MICALL1: variants seen among roughly 807,000 people sequenced by gnomAD.
The protein encoded by MICALL1 is MICAL like 1.
MICALL1 carries 61 observed loss-of-function variants against 83.7 expected under a neutral mutation model. That is an observed-to-expected ratio of 0.73 (90% CI 0.59 to 0.90). The LOEUF is 0.90. Ranked by LOEUF, MICALL1 falls within the 40% of genes least tolerant of loss-of-function variation. MICALL1 has a pLI of 0.00. For missense variants in MICALL1, 1,066 were observed against 1,152.0 expected (o/e 0.93, Z 1.08); for synonymous variants, 481 against 473.6 (o/e 1.02, Z -0.20).
Position 37,932,405 on chromosome 22 carries a change from C to G in MICALL1, c.2017-148C>G. Reference sequence around the variant, plus strand: ...GGCTGTCCCCACACTGGCCCCTTCCCCACTGGGACCCTGCCTTCTTACCAT... The same window carrying G: ...GGCTGTCCCCACACTGGCCCCTTCCGCACTGGGACCCTGCCTTCTTACCAT... On this transcript the variant is annotated intron_variant, in intron 10 of 15. Coordinates refer to ENST00000215957, the MANE Select transcript of MICALL1 (RefSeq NM_033386.4). This position sits in a 1 kb window ranked among gnomAD's most constrained non-coding sequence, Gnocchi z 4.4. 3.8e-6 allele frequency: 5 copies of G among 1,312,792 alleles called. No homozygotes were observed. The highest frequency in any genetic ancestry group is 5.2e-6 in the Non-Finnish European group (5 of 963,964). The allele number at this position is 1,312,792 out of a possible 1,614,324, so 81.3% of individuals were successfully genotyped here.
rs776771230 is a variant in MICALL1, at chr22:37,912,508, A to G, written c.337+16A>G. ...CCTGGCCAAGGTGAGAGGGGGACTC[A>G]GCGTTTCACGGAGGCTGGCCCAGGG... On this transcript the variant is annotated intron_variant, in intron 3 of 15. Transcript: ENST00000215957. The G allele has an allele frequency of 2.5e-6, 4 of 1,581,280 alleles. No homozygotes were observed. The highest frequency in any genetic ancestry group is 3.5e-6 in the Non-Finnish European group (4 of 1,157,070).
Position 37,923,447 on chromosome 22 carries a change from C to T in MICALL1, c.1024+1021C>T, listed in dbSNP as rs183115673. 7.9e-5 allele frequency among the ~76,000 whole-genome samples: 12 copies of T among 152,216 alleles called. No individual in the cohort carries two copies. The East Asian group carries it at 1.2e-3, about 15-fold the overall frequency. ...TTCACCATGTTGGCCAGGCTGGTCT[C>T]GAACTCCTGACTTCAGGTGATCTGC... On this transcript the variant is annotated intron_variant, in intron 6 of 15. Coordinates refer to ENST00000215957, the MANE Select transcript of MICALL1 (RefSeq NM_033386.4).
intron 4 of MICALL1, 74 bp from the exon 5 acceptor site, chr22:37,918,962 A>G: frequency 7.0e-7 from 1 of 1,426,698 alleles, no homozygotes; most frequent in East Asian, 2.8e-5. Flanking sequence ...GGAGGGAGGG[A>G]GAGGGCAGTG....
At chr22:37,910,995 A>G (rs1343051036) in intron 1 of MICALL1, among the ~76,000 whole-genome samples, 2 of 152,168 alleles carry the variant, frequency 1.3e-5, no homozygotes, top group East Asian at 3.9e-4. Context: ...TCAGCCATAG[A>G]AGGGCAAGGC....
At chr22:37,914,945 A>T (rs1928583545) in intron 3 of MICALL1, among the ~76,000 whole-genome samples, 1 of 151,536 alleles carries the variant, frequency 6.6e-6, no homozygotes, top group Non-Finnish European at 1.5e-5. Context: ...CCCAGCCATA[A>T]ATAAATAACT....
Position 37,927,432 on chromosome 22 carries a change from C to G in MICALL1, c.1487C>G (p.Ser496Trp). 1.3e-6 allele frequency: 2 copies of G among 1,590,876 alleles called. No homozygotes were observed. Among genetic ancestry groups the G allele is most frequent in the Non-Finnish European group, 1.7e-6 (2 of 1,167,084 alleles). ...ACAGCTCTCCACGCCTCCCGCCTCT[C>G]GCACTCGGAGCCGCCCTCGGCCACA... is the stretch of plus-strand genomic sequence containing the variant. The part of the protein sequence containing the change: ...SPLALHASRL[S>W]HSEPPSATPS... Residue 496 changes from serine to tryptophan, a missense_variant, in exon 9 of 16, where the codon TCG (serine) becomes TGG (tryptophan). Ser to Trp is a radical substitution (Grantham distance 177, BLOSUM62 -3). Transcript: ENST00000215957.
At chr22:37,937,668 C>T in intron 14 of MICALL1, 78 bp from the exon 15 acceptor site, 1 of 1,478,934 alleles carries the variant, frequency 6.8e-7, no homozygotes, top group Non-Finnish European at 9.3e-7. Flanking sequence ...AGGTGATCCA[C>T]CCACCTTGGC....
At position 37,927,625 on chromosome 22, in the gene MICALL1, G is replaced by A; in HGVS notation, c.1680G>A (p.Leu560=). 1 of 1,613,996 alleles carries A rather than the reference G, an allele frequency of 6.2e-7. No homozygotes were observed. Among genetic ancestry groups the A allele is most frequent in the Non-Finnish European group, 8.5e-7 (1 of 1,179,914 alleles). ...TCAGCCTCTCTACCAACTCCTCCCTGGCCTCCTCTGGGGAACTAGTGGAGC... is the reference window on the plus strand; with the variant it reads ...TCAGCCTCTCTACCAACTCCTCCCTAGCCTCCTCTGGGGAACTAGTGGAGC... The part of the protein sequence containing the change: ...NPVSLSTNSS[L]ASSGELVEPR... Residue 560 remains leucine, a synonymous_variant, in exon 9 of 16, where the codon CTG becomes CTA. Coordinates refer to ENST00000215957, the MANE Select transcript of MICALL1 (RefSeq NM_033386.4).
chr22:37,931,919 C>G lies in MICALL1; in HGVS notation c.2002C>G (p.Leu668Val), dbSNP rs1929811345. 3 of 1,614,020 alleles carry G rather than the reference C, an allele frequency of 1.9e-6. No homozygotes were observed. In the South Asian group the frequency reaches 3.3e-5, roughly 18 times the overall value. Residue 668 changes from leucine (L) to valine (V), a missense_variant, in exon 10 of 16, where the codon CTC becomes GTC. By Grantham distance (32) the Leu-to-Val change is conservative (BLOSUM62 1). Transcript: ENST00000215957. Reference protein sequence around the residue: ...RPPAPGHGFPLIKRKVQADQY... With the variant: ...RPPAPGHGFPVIKRKVQADQY... The stretch of plus-strand genomic sequence containing the variant: ...ACCTGCCCCTGGACACGGCTTTCCA[C>G]TCATCAAACGCAAGGTACCAGCTGG...
At position 37,924,618 on chromosome 22, in the gene MICALL1, T is replaced by A. The variant is rs771742523; in HGVS notation, c.1025-42T>A. 2.8e-5 allele frequency: 45 copies of A among 1,593,922 alleles called. No individual in the cohort carries two copies. Among genetic ancestry groups the A allele is most frequent in the Non-Finnish European group, 3.7e-5 (43 of 1,167,612 alleles). ...GCTGGCTCCCTGGGTGCCCACCTCC[T>A]GCTGCCCATGAAGGCCTGGCTCACT... On this transcript the variant is annotated intron_variant, in intron 6 of 15. Transcript: ENST00000215957. This position sits in a 1 kb window ranked among gnomAD's most constrained non-coding sequence, Gnocchi z 5.2.
chr22:37,915,023 C>T (rs529620555), intron 3 of MICALL1, among the ~76,000 whole-genome samples: 22 of 151,824 alleles, frequency 1.4e-4, no homozygotes, highest in Admixed American at 5.9e-4. Context: ...TTTGGGAGGC[C>T]GAGGCAGGTG....
At position 37,931,773 on chromosome 22, in the gene MICALL1, C is replaced by T. The variant is rs764529477; in HGVS notation, c.1882-26C>T. On this transcript the variant is annotated intron_variant, in intron 9 of 15. Coordinates refer to ENST00000215957, the MANE Select transcript of MICALL1 (RefSeq NM_033386.4). ...TCACGTGCCCTCTTCCCAGGCTCACCCTCTGTCATGTCTCCTTCCCTTTAG... is the reference window on the plus strand; with the variant it reads ...TCACGTGCCCTCTTCCCAGGCTCACTCTCTGTCATGTCTCCTTCCCTTTAG... 3.1e-6 allele frequency: 5 copies of T among 1,613,494 alleles called. No individual in the cohort carries two copies. The East Asian group carries it at 8.9e-5, about 29-fold the overall frequency.
Position 37,941,146 on chromosome 22 carries a change from T to G in MICALL1, c.*316T>G. On this transcript the variant is annotated 3_prime_UTR_variant, in exon 16 of 16. Transcript: ENST00000215957. The stretch of plus-strand genomic sequence containing the variant: ...CCAGGGAGGGGCGCCTGCTGAGCAC[T>G]TCCGCCCCTCACCCTGCCCAGCCCC... 4.1e-6 allele frequency: 1 copy of G among 245,428 alleles called. No individual in the cohort carries two copies. The highest frequency in any genetic ancestry group is 8.3e-6 in the Non-Finnish European group (1 of 119,840). The allele number at this position is 245,428 out of a possible 1,614,324, so 15.2% of individuals were successfully genotyped here. A position where few individuals can be genotyped will look rare whatever the true frequency, so the allele number is the denominator to read the frequency against.
chr22:37,926,088 G>T lies in MICALL1; in HGVS notation c.1465+45G>T, dbSNP rs762993525. 24 of 1,535,374 alleles carry T rather than the reference G, an allele frequency of 1.6e-5. No individual in the cohort carries two copies. The Admixed American group carries it at 4.8e-4, about 30-fold the overall frequency. ...CTCTCCTGACAGTCGGAACTCGGGG[G>T]TGGGGCCCGGGCCTGGGGAGGGGGT... On this transcript the variant is annotated intron_variant, in intron 8 of 15. Coordinates refer to ENST00000215957, the MANE Select transcript of MICALL1 (RefSeq NM_033386.4).
rs190839368 is a variant in MICALL1, at chr22:37,922,291, C to T, written c.889C>T (p.Pro297Ser). 122 of 1,555,336 alleles carry T rather than the reference C, an allele frequency of 7.8e-5. 1 individual carries two copies. In the Admixed American group the frequency reaches 8.3e-4, roughly 11 times the overall value. The change falls in exon 6 of 16, where the codon CCT becomes TCT. Residue 297 changes from proline (P) to serine (S), a missense_variant. Physicochemically the swap from Pro to Ser is moderately conservative, Grantham distance 74. Transcript: ENST00000215957. ...CAAACTACAGGAGCTGGCCAGCCCCCCTGCGGGCCGCCCCACCCCTGCCCC... is the reference window on the plus strand; with the variant it reads ...CAAACTACAGGAGCTGGCCAGCCCCTCTGCGGGCCGCCCCACCCCTGCCCC... Reference protein sequence around the residue: ...PGKLQELASPPAGRPTPAPRK... With the variant: ...PGKLQELASPSAGRPTPAPRK...
chr22:37,934,918 T>G (rs1930017748), intron 13 of MICALL1, among the ~76,000 whole-genome samples: 1 of 146,752 alleles, frequency 6.8e-6, no homozygotes, highest in Admixed American at 6.9e-5. Context: ...TTATTTTATT[T>G]TATTTATTTA....
chr22:37,922,494 G>A, intron 6 of MICALL1, 68 bp downstream of exon 6: 1 of 1,246,244 alleles, frequency 8.0e-7, no homozygotes, highest in Non-Finnish European at 1.1e-6. Flanking sequence ...AAGTCTGTGT[G>A]TCTGGGAGTG....
At position 37,919,130 on chromosome 22, in the gene MICALL1, T is replaced by C; in HGVS notation, c.521T>C (p.Val174Ala). 1 of 1,551,074 alleles carries C rather than the reference T, an allele frequency of 6.4e-7. No individual in the cohort carries two copies. Among genetic ancestry groups the C allele is most frequent in the Non-Finnish European group, 8.7e-7 (1 of 1,147,106 alleles). Residue 174 changes from valine to alanine, a missense_variant, in exon 5 of 16, where the codon GTG becomes GCG. By Grantham distance (64) the Val-to-Ala change is moderately conservative. Coordinates refer to ENST00000215957, the MANE Select transcript of MICALL1 (RefSeq NM_033386.4). Reference sequence around the variant, plus strand: ...GCCTGCCAGCAGCATGTGCACTTGGTGCAGCGCTACCTGGCTGACGGCAGG... The same window carrying C: ...GCCTGCCAGCAGCATGTGCACTTGGCGCAGCGCTACCTGGCTGACGGCAGG... Reference protein sequence around the residue: ...CAACQQHVHLVQRYLADGRLY... With the variant: ...CAACQQHVHLAQRYLADGRLY...
intron 2 of MICALL1, 69 bp downstream of exon 2, chr22:37,912,069 TG>T: frequency 6.4e-7 from 1 of 1,558,998 alleles, no homozygotes; most frequent in Non-Finnish European, 8.8e-7. Flanking sequence ...GTGTGTTTGG[TG>T]GGGAGGGCAG....
Sources: gnomAD v4.1 joint callset for allele counts (sites outside exome capture counted in the v4.1 genomes callset) on GRCh38, gnomAD v4.1.1 for gene constraint, Gnocchi (gnomAD v3.1) non-coding constraint, MANE v1.5 for transcripts, NCBI Gene and HGNC (gene_info 2026-07-23, HGNC 2026-07-21) for gene names.